Variants in RELL1 observed in about 807,000 individuals in gnomAD.
The protein encoded by RELL1 is RELT like 1.
RELL1 carries 10 observed loss-of-function variants against 23.0 expected under a neutral mutation model. That is an observed-to-expected ratio of 0.43 (90% CI 0.27 to 0.74). The LOEUF is 0.74. Among genes scored for constraint, RELL1 ranks in the 30% least tolerant of loss-of-function variants. RELL1 has a pLI of 0.19. For synonymous variants in RELL1, 146 were observed against 146.8 expected, an observed-to-expected ratio of 0.99 and a Z score of 0.04; for missense variants, 315 against 364.4, an observed-to-expected ratio of 0.86 and a Z score of 1.10.
intron 1 of RELL1, among the ~76,000 whole-genome samples, chr4:37,675,207 TAAG>T (rs909318024): frequency 4.6e-5 from 7 of 152,220 alleles, no homozygotes; most frequent in East Asian, 1.9e-4. Flanking sequence ...GTATTCTCTT[TAAG>T]AAGATGAACC....
chr4:37,678,306 G>T (rs1458365353), intron 1 of RELL1, among the ~76,000 whole-genome samples: 1 of 152,058 alleles, frequency 6.6e-6, no homozygotes, highest in Admixed American at 6.5e-5. Context: ...CTTCCACCAG[G>T]CCCCACCTCT....
rs779750901 is a variant in RELL1 at position 37,638,424 on chromosome 4, AG to A, written c.443+22del. 3 of 1,591,010 alleles carry A rather than the reference AG, an allele frequency of 1.9e-6. No individual in the cohort carries two copies. The South Asian group carries it at 3.4e-5, about 18-fold the overall frequency. On this transcript the variant is annotated intron_variant, in intron 4 of 6. Transcript: ENST00000454158. ...AAGTAACTGAAAAGATGTCGCACTA[AG>A]AAAGAGGGGAGGAGCACTCACCTTT...
In RELL1 at chr4:37,592,208, CAAAAAAAAAA is replaced by C. The variant is rs34307749; in HGVS notation, c.*4-1001_*4-992del. 2.7e-3 allele frequency among the ~76,000 whole-genome samples: 254 copies of C among 93,376 alleles called. 2 individuals are homozygous for C. The highest frequency in any genetic ancestry group is 0.011 in the African/African-American group (241 of 21,906). 61.3% of individuals were successfully genotyped at this position (93,376 alleles called of 152,430 possible). On this transcript the variant is annotated intron_variant, in intron 6 of 6. Coordinates refer to the RELL1 transcript ENST00000314117. ...TGGGTGACAGTGCAAGACTCCATCT[CAAAAAAAAAA>C]AAAAAAAAAAGAGCTAAGCTAGGCA...
rs545848963 is a variant in RELL1 at position 37,673,003 on chromosome 4, TAGTCTG to T, written c.88+13191_88+13196del. ...AAATGTTTAATGGTTGAGAATTCAA[TAGTCTG>T]GACCATGTGTGGTGGCTCATGCCTG... On this transcript the variant is annotated intron_variant, in intron 1 of 6. Transcript: ENST00000454158. Among the ~76,000 whole-genome samples, 53 of 152,260 alleles carry T rather than the reference TAGTCTG, an allele frequency of 3.5e-4. 1 individual carries two copies. In the South Asian group the frequency reaches 0.01, roughly 29 times the overall value.
rs187927019 is a variant in RELL1, at chr4:37,629,047, T to C, written c.*3+2338A>G. On this transcript the variant is annotated intron_variant, in intron 6 of 6. Transcript: ENST00000454158. ...GGGCAGTGGTGGCCAAAATCAGCCA[T>C]GGCACTAGTTAGCCAAGCTCTAATC... 6.6e-5 allele frequency among the ~76,000 whole-genome samples: 10 copies of C among 152,292 alleles called. No homozygotes were observed. In the East Asian group the frequency reaches 1.2e-3, roughly 18 times the overall value.
intron 1 of RELL1, among the ~76,000 whole-genome samples, chr4:37,681,600 C>T (rs1722228228): frequency 7.2e-6 from 1 of 138,810 alleles, no homozygotes. Flanking sequence ...ACGATCTCAG[C>T]TCACTGCAAC....
intron 6 of RELL1, among the ~76,000 whole-genome samples, chr4:37,627,238 A>G (rs907359367): frequency 7.9e-5 from 12 of 152,214 alleles, no homozygotes; most frequent in Non-Finnish European, 1.5e-4. Flanking sequence ...CCAACAGGAC[A>G]CTATCAGCGA....
chr4:37,592,208 CAAAA>C lies in RELL1; in HGVS notation c.*4-995_*4-992del, dbSNP rs34307749. Reference sequence around the variant, plus strand: ...TGGGTGACAGTGCAAGACTCCATCTCAAAAAAAAAAAAAAAAAAAAGAGCTAAGC... The same window carrying C: ...TGGGTGACAGTGCAAGACTCCATCTCAAAAAAAAAAAAAAAAGAGCTAAGC... On this transcript the variant is annotated intron_variant, in intron 6 of 6. Transcript: ENST00000314117. 3.6e-3 allele frequency among the ~76,000 whole-genome samples: 336 copies of C among 93,356 alleles called. 1 individual carries two copies. The highest frequency in any genetic ancestry group is 4.4e-3 in the Non-Finnish European group (219 of 49,494). 61.2% of individuals were successfully genotyped at this position (93,356 alleles called of 152,430 possible). A position where few individuals can be genotyped will look rare whatever the true frequency, so the allele number is the denominator to read the frequency against.
Position 37,638,462 on chromosome 4 carries a change from A to G in RELL1, c.428T>C (p.Leu143Pro), listed in dbSNP as rs749624050. Reference sequence around the variant, plus strand: ...GAGCACTCACCTTTCAGGATCATACAGGCTGTTATCTGCTACCATCGCCTT... The same window carrying G: ...GAGCACTCACCTTTCAGGATCATACGGGCTGTTATCTGCTACCATCGCCTT... ...VLKAMVADNS[L>P]YDPESPVTPS... Residue 143 changes from leucine (L) to proline (P), a missense_variant, in exon 4 of 7, where the codon CTG (leucine) becomes CCG (proline). By Grantham distance (98) the Leu-to-Pro change is moderately conservative (BLOSUM62 -3). Transcript: ENST00000454158. 39 of 1,612,736 alleles carry G rather than the reference A, an allele frequency of 2.4e-5. No individual in the cohort carries two copies. The South Asian group carries it at 3.7e-4, about 15-fold the overall frequency.
chr4:37,638,169 C>T lies in RELL1; in HGVS notation c.443+278G>A, dbSNP rs114782159. On this transcript the variant is annotated intron_variant, in intron 4 of 6. Transcript: ENST00000454158. Reference sequence around the variant, plus strand: ...CAACCAGGAGTGACTGTCCCCACTACGGGACATTGACAATGTGTGGAGACA... The same window carrying T: ...CAACCAGGAGTGACTGTCCCCACTATGGGACATTGACAATGTGTGGAGACA... Among the ~76,000 whole-genome samples the T allele has an allele frequency of 2.1e-3, 316 of 152,292 alleles. 1 individual carries two copies. The highest frequency in any genetic ancestry group is 2.9e-3 in the Non-Finnish European group (194 of 68,024).
chr4:37,647,331 A>T, intron 3 of RELL1, 37 bp downstream of exon 3: 5 of 1,436,620 alleles, frequency 3.5e-6, no homozygotes. Flanking sequence ...AAAGGATAGG[A>T]ATACTGAATT....
chr4:37,683,883 C>T (rs988274602), intron 1 of RELL1, among the ~76,000 whole-genome samples: 2 of 151,690 alleles, frequency 1.3e-5, no homozygotes, highest in Admixed American at 6.6e-5. Flanking sequence ...AGATGGAGAC[C>T]ATCCTGGCTA....
At chr4:37,652,602 T>G (rs1011598373) in intron 1 of RELL1, among the ~76,000 whole-genome samples, 5 of 152,110 alleles carry the variant, frequency 3.3e-5, no homozygotes, top group African/African-American at 1.2e-4. Context: ...AAATAAATTC[T>G]TTTTTAGGGG....
downstream of RELL1, among the ~76,000 whole-genome samples, chr4:37,606,134 G>C (rs949541203): frequency 1.4e-5 from 2 of 142,634 alleles, no homozygotes; most frequent in Non-Finnish European, 1.5e-5. The surrounding 1 kb of genome is among the most constrained non-coding windows in gnomAD (Gnocchi z 4.1). Context: ...AGGAGGAGAA[G>C]GAAGGAAGGG....
chr4:37,591,209 T>C (rs1220853187), exon 7 of RELL1: 4 of 479,460 alleles, frequency 8.3e-6, no homozygotes, highest in Non-Finnish European at 1.5e-5. Context: ...TGAGCTGTCA[T>C]TCAGGACACT....
rs36064800 is a variant in RELL1, at chr4:37,612,176, CAAAAAAA to C, written c.*1163_*1169del. Among the ~76,000 whole-genome samples, 6 of 53,784 alleles carry C rather than the reference CAAAAAAA, an allele frequency of 1.1e-4. No homozygotes were observed. Among genetic ancestry groups the C allele is most frequent in the Admixed American group, 4.8e-4 (2 of 4,124 alleles). 35.3% of individuals were successfully genotyped at this position (53,784 alleles called of 152,430 possible). ...TGGGCGACAGAGCGAGACTCCGCCT[CAAAAAAA>C]AAAAAAAAAAAAAAAAAAGAGAGAA... On this transcript the variant is annotated 3_prime_UTR_variant, in exon 7 of 7. Coordinates refer to ENST00000454158, the MANE Select transcript of RELL1 (RefSeq NM_001085400.2).
At chr4:37,673,967 T>A (rs911994269) in intron 1 of RELL1, among the ~76,000 whole-genome samples, 1 of 152,228 alleles carries the variant, frequency 6.6e-6, no homozygotes, top group South Asian at 2.1e-4. Context: ...TCCATGCCTT[T>A]GCACACAGGC....
chr4:37,631,033 G>A (rs547519893), intron 6 of RELL1, among the ~76,000 whole-genome samples: 1 of 152,228 alleles, frequency 6.6e-6, no homozygotes, highest in South Asian at 2.1e-4. Flanking sequence ...AGAAGATGCA[G>A]CAACACTAGG....
chr4:37,592,271 C>T (rs1718653705), intron 6 of RELL1, among the ~76,000 whole-genome samples: 1 of 141,108 alleles, frequency 7.1e-6, no homozygotes, highest in Non-Finnish European at 1.5e-5. Context: ...AATCTGAGCA[C>T]TTTGGAAGGC....
Sources: gnomAD v4.1 joint callset for allele counts (sites outside exome capture counted in the v4.1 genomes callset) on GRCh38, gnomAD v4.1.1 for gene constraint, Gnocchi (gnomAD v3.1) non-coding constraint, MANE v1.5 for transcripts, NCBI Gene and HGNC (gene_info 2026-07-23, HGNC 2026-07-21) for gene names.